Variants in SEMA3A observed in about 807,000 individuals in gnomAD.
SEMA3A encodes semaphorin 3A, also known as semaphorin-3A.
A neutral mutation model predicts 97.9 loss-of-function variants in SEMA3A; 29 were observed. The ratio of observed to expected loss-of-function variants is 0.30; its 90% CI spans 0.22 to 0.40. The LOEUF (loss-of-function observed/expected upper bound fraction) is 0.40, where lower values mean the gene tolerates loss of function less well. Among genes scored for constraint, SEMA3A ranks in the 10% least tolerant of loss-of-function variants. SEMA3A has a pLI of 1.00. For synonymous variants in SEMA3A, 321 were observed against 323.7 expected (o/e 0.99, Z 0.09); for missense variants, 763 against 951.3 (o/e 0.80, Z 2.60).
chr7:84,377,271 A>G (rs1803127263), intron 1 of SEMA3A, among the ~76,000 whole-genome samples: 1 of 152,080 alleles, frequency 6.6e-6, no homozygotes, highest in Non-Finnish European at 1.5e-5. Flanking sequence ...CTTATTAAGG[A>G]CACTGTCCTT....
intron 4 of SEMA3A, among the ~76,000 whole-genome samples, chr7:84,077,088 G>C (rs1305356478): frequency 6.6e-6 from 1 of 151,966 alleles, no homozygotes; most frequent in Non-Finnish European, 1.5e-5. Flanking sequence ...ACAATGAAAG[G>C]GAAAATTCTA....
chr7:84,246,241 C>G (rs144033399), intron 3 of SEMA3A, among the ~76,000 whole-genome samples: 4,974 of 152,152 alleles, frequency 0.033, 95 homozygotes, highest in South Asian at 0.046. Flanking sequence ...GCTATCCTGC[C>G]CAGGAATACA....
At chr7:84,313,108 C>G (rs1801386323) in intron 2 of SEMA3A, among the ~76,000 whole-genome samples, 1 of 143,840 alleles carries the variant, frequency 7.0e-6, no homozygotes, top group South Asian at 2.1e-4. Flanking sequence ...CCATGATTTA[C>G]TAGCAGTTAG....
At chr7:84,182,412 T>C (rs1308120337) in intron 1 of SEMA3A, among the ~76,000 whole-genome samples, 2 of 152,166 alleles carry the variant, frequency 1.3e-5, no homozygotes, top group Non-Finnish European at 2.9e-5. Context: ...CAAATAAAAC[T>C]AGTCATTTCC....
intron 15 of SEMA3A, among the ~76,000 whole-genome samples, chr7:83,965,968 C>A (rs942882140): frequency 6.7e-6 from 1 of 150,296 alleles, no homozygotes; most frequent in Admixed American, 6.6e-5. Flanking sequence ...TGTGAGCCAC[C>A]GCGCCCAGCC....
At chr7:84,201,722 T>C (rs1212018066) in intron 3 of SEMA3A, among the ~76,000 whole-genome samples, 1 of 152,134 alleles carries the variant, frequency 6.6e-6, no homozygotes, top group African/African-American at 2.4e-5. Flanking sequence ...CAACATAAAT[T>C]CATTTTCCTT....
chr7:84,334,700 A>C (rs1341910027), intron 2 of SEMA3A, among the ~76,000 whole-genome samples: 2 of 128,938 alleles, frequency 1.6e-5, no homozygotes, highest in Admixed American at 1.7e-4. Flanking sequence ...CCCTTTTACT[A>C]CCTCCCTTTC....
At chr7:84,482,604 TGCC>T (rs1806475281) in intron 1 of SEMA3A, among the ~76,000 whole-genome samples, 1 of 152,184 alleles carries the variant, frequency 6.6e-6, no homozygotes, top group Admixed American at 6.5e-5. Context: ...TCCATTACAC[TGCC>T]TCCCTATAGA....
intron 6 of SEMA3A, among the ~76,000 whole-genome samples, chr7:84,030,549 A>T (rs1791704265): frequency 6.6e-6 from 1 of 152,168 alleles, no homozygotes; most frequent in Admixed American, 6.5e-5. Flanking sequence ...AAGAAAATAT[A>T]CCAATTCTTC....
chr7:84,270,135 CCTG>C lies in SEMA3A; in HGVS notation c.-83+37069_-83+37071del, dbSNP rs1457048750. Among the ~76,000 whole-genome samples, 3 of 152,136 alleles carry C rather than the reference CCTG, an allele frequency of 2.0e-5. No individual in the cohort carries two copies. In the East Asian group the frequency reaches 5.8e-4, roughly 29 times the overall value. Reference sequence around the variant, plus strand: ...CTTGGGAATTTTCTCAAATGATTTACCTGCTAATCTGGTAGGCCATGAGAGCCA... The same window carrying C: ...CTTGGGAATTTTCTCAAATGATTTACCTAATCTGGTAGGCCATGAGAGCCA... On this transcript the variant is annotated intron_variant, in intron 3 of 3. Coordinates refer to the SEMA3A transcript ENST00000424555.
intron 3 of SEMA3A, among the ~76,000 whole-genome samples, chr7:84,211,438 C>T (rs529940217): frequency 2.7e-5 from 4 of 150,722 alleles, no homozygotes; most frequent in Non-Finnish European, 5.9e-5. Context: ...TGGTGAAACC[C>T]TGTCTCTACT....
intron 3 of SEMA3A, among the ~76,000 whole-genome samples, chr7:84,247,833 A>T (rs759427944): frequency 4.1e-4 from 63 of 152,286 alleles, no homozygotes; most frequent in Non-Finnish European, 6.8e-4. Flanking sequence ...GAAGAACTTA[A>T]AAAACTACAG....
chr7:84,223,871 T>C (rs1299525799), intron 3 of SEMA3A, among the ~76,000 whole-genome samples: 2 of 151,820 alleles, frequency 1.3e-5, no homozygotes, highest in Non-Finnish European at 2.9e-5. Context: ...TTACGGCTTA[T>C]ATTACATACT....
intron 6 of SEMA3A, among the ~76,000 whole-genome samples, chr7:84,032,028 A>G (rs754330449): frequency 6.6e-6 from 1 of 152,200 alleles, no homozygotes; most frequent in Non-Finnish European, 1.5e-5. Context: ...AAAATTGTTG[A>G]ATACATAGTC....
intron 2 of SEMA3A, among the ~76,000 whole-genome samples, chr7:84,360,094 T>C (rs1802675668): frequency 6.6e-6 from 1 of 151,704 alleles, no homozygotes; most frequent in African/African-American, 2.4e-5. Context: ...AACCAGCTCC[T>C]GGTTTCATTG....
chr7:84,228,668 G>T (rs1799047659), intron 3 of SEMA3A, among the ~76,000 whole-genome samples: 1 of 152,104 alleles, frequency 6.6e-6, no homozygotes, highest in African/African-American at 2.4e-5. Flanking sequence ...GTTTGCCAAT[G>T]GGGATTAACA....
intron 11 of SEMA3A, among the ~76,000 whole-genome samples, chr7:84,004,943 A>G (rs1790604834): frequency 6.6e-6 from 1 of 152,100 alleles, no homozygotes; most frequent in Non-Finnish European, 1.5e-5. Context: ...CCCTTGGGAG[A>G]GCAATGTCAA....
intron 1 of SEMA3A, among the ~76,000 whole-genome samples, chr7:84,152,639 G>A (rs10253803): frequency 0.12 from 17,691 of 148,030 alleles, 1,722 homozygotes; most frequent in African/African-American, 0.26. Flanking sequence ...ACATGTATAC[G>A]TATGTAACTA....
intron 4 of SEMA3A, among the ~76,000 whole-genome samples, chr7:84,108,050 AAT>A: frequency 6.6e-6 from 1 of 152,332 alleles, no homozygotes; most frequent in South Asian, 2.1e-4. Context: ...AAAATATAAA[AAT>A]ACAAAATGCA....
Sources: gnomAD v4.1 joint callset for allele counts (sites outside exome capture counted in the v4.1 genomes callset) on GRCh38, gnomAD v4.1.1 for gene constraint, MANE v1.5 for transcripts, NCBI Gene and HGNC (gene_info 2026-07-23, HGNC 2026-07-21) for gene names.